Variants in SNX27 observed in about 807,000 individuals in gnomAD.
The protein encoded by SNX27 is sorting nexin-27.
A neutral mutation model predicts 71.6 loss-of-function variants in SNX27; 22 were observed. The ratio of observed to expected loss-of-function variants is 0.31; its 90% CI spans 0.22 to 0.44. SNX27 has a LOEUF of 0.44. Ranked by LOEUF, SNX27 falls within the 20% of genes least tolerant of loss-of-function variation. SNX27 has a pLI of 1.00. For synonymous variants in SNX27, 269 were observed against 277.2 expected, an observed-to-expected ratio of 0.97 and a Z score of 0.29; for missense variants, 531 against 698.6, an observed-to-expected ratio of 0.76 and a Z score of 2.70.
Position 151,695,312 on chromosome 1 carries a change from C to T in SNX27, c.*895C>T, listed in dbSNP as rs931870948. 1 of 150,952 alleles carries T rather than the reference C, an allele frequency of 6.6e-6. No homozygotes were observed. Among genetic ancestry groups the T allele is most frequent in the African/African-American group, 2.4e-5 (1 of 40,988 alleles). 9.4% of individuals were successfully genotyped at this position (150,952 alleles called of 1,614,324 possible). A position where few individuals can be genotyped will look rare whatever the true frequency, so the allele number is the denominator to read the frequency against. ...CCTCCTTCCTGCTTTCCTAGAGCCT[C>T]GGTATGCTTTCCCTCAACCGACCCT... On this transcript the variant is annotated 3_prime_UTR_variant, in exon 12 of 12. Coordinates refer to ENST00000458013, the MANE Select transcript of SNX27 (RefSeq NM_001330723.2).
At chr1:151,631,715 C>T (rs1473067739) in intron 1 of SNX27, among the ~76,000 whole-genome samples, 2 of 152,128 alleles carry the variant, frequency 1.3e-5, no homozygotes, top group Admixed American at 6.6e-5. Flanking sequence ...GAGACAGGGT[C>T]TCCTCTGTCA....
intron 2 of SNX27, among the ~76,000 whole-genome samples, chr1:151,648,550 G>T (rs999728403): frequency 1.3e-4 from 20 of 152,094 alleles, no homozygotes; most frequent in Admixed American, 6.6e-5. Flanking sequence ...CTCCCGAGCA[G>T]CTGGGATTAC....
rs1334876785 is a variant in SNX27, at chr1:151,696,514, G to GTTCTTTCT, written c.*2104_*2105insTTTCTTTC. The GTTCTTTCT allele has an allele frequency of 1.1e-4, 13 of 118,756 alleles. No individual in the cohort carries two copies. Among genetic ancestry groups the GTTCTTTCT allele is most frequent in the African/African-American group, 3.9e-4 (12 of 31,116 alleles). 7.4% of individuals were successfully genotyped at this position (118,756 alleles called of 1,614,324 possible). A position where few individuals can be genotyped will look rare whatever the true frequency, so the allele number is the denominator to read the frequency against. On this transcript the variant is annotated 3_prime_UTR_variant, in exon 12 of 12. Coordinates refer to ENST00000458013, the MANE Select transcript of SNX27 (RefSeq NM_001330723.2). ...CTTTCTTTCTTTCTTTCGTTCTTTC[G>GTTCTTTCT]TTCTTTCGTTCTTTCTTTCTTTCTT...
intron 2 of SNX27, among the ~76,000 whole-genome samples, chr1:151,653,059 C>T (rs1353772076): frequency 6.6e-6 from 1 of 151,702 alleles, no homozygotes; most frequent in African/African-American, 2.4e-5. Flanking sequence ...TCCTGAGTAG[C>T]TCGAATTACA....
intron 2 of SNX27, among the ~76,000 whole-genome samples, chr1:151,645,447 A>G (rs1278391759): frequency 6.6e-6 from 1 of 152,100 alleles, no homozygotes. Flanking sequence ...TCCTCTGAGG[A>G]GTATCGATGT....
At chr1:151,667,687 C>T (rs1343148725) in intron 6 of SNX27, among the ~76,000 whole-genome samples, 3 of 151,588 alleles carry the variant, frequency 2.0e-5, no homozygotes, top group African/African-American at 4.8e-5. Context: ...ATTAGCCGGG[C>T]GTAGTGGCGG....
At chr1:151,638,248 A>G (rs1224507967) in intron 1 of SNX27, among the ~76,000 whole-genome samples, 2 of 152,242 alleles carry the variant, frequency 1.3e-5, no homozygotes, top group Non-Finnish European at 2.9e-5. Context: ...ATGGAATCCC[A>G]AGAGGTTAAT....
At chr1:151,624,674 C>T (rs1667841365) in intron 1 of SNX27, among the ~76,000 whole-genome samples, 1 of 151,838 alleles carries the variant, frequency 6.6e-6, no homozygotes, top group African/African-American at 2.4e-5. Flanking sequence ...TCAGGTGATA[C>T]ACCTACCTCG....
chr1:151,657,898 G>T (rs1669772299), intron 2 of SNX27, among the ~76,000 whole-genome samples: 1 of 152,044 alleles, frequency 6.6e-6, no homozygotes, highest in Non-Finnish European at 1.5e-5. Context: ...CTATTCAGGA[G>T]GCTGAGGCAG....
At chr1:151,629,719 A>G (rs921897942) in intron 1 of SNX27, among the ~76,000 whole-genome samples, 1 of 150,526 alleles carries the variant, frequency 6.6e-6, no homozygotes, top group Non-Finnish European at 1.5e-5. Flanking sequence ...GAGGGTCTAC[A>G]TGTGCGTGCC....
chr1:151,632,373 G>A (rs1211871881), intron 1 of SNX27, among the ~76,000 whole-genome samples: 1 of 152,062 alleles, frequency 6.6e-6, no homozygotes, highest in Non-Finnish European at 1.5e-5. Flanking sequence ...GGCCAGGCTG[G>A]TCTTGAACTC....
chr1:151,653,732 G>A (rs1482517197), intron 2 of SNX27, among the ~76,000 whole-genome samples: 1 of 151,934 alleles, frequency 6.6e-6, no homozygotes, highest in Non-Finnish European at 1.5e-5. Context: ...TTTTGTTCAG[G>A]CTGGTCTCAA....
At chr1:151,676,511 G>C (rs1009002026) in intron 7 of SNX27, 1 of 151,350 alleles carries the variant, frequency 6.6e-6, no homozygotes, top group Non-Finnish European at 1.5e-5. Flanking sequence ...TTGCCATATC[G>C]GCCAGGCTCA....
intron 1 of SNX27, among the ~76,000 whole-genome samples, chr1:151,627,553 T>G (rs1365464729): frequency 1.3e-5 from 2 of 152,198 alleles, no homozygotes; most frequent in African/African-American, 4.8e-5. Context: ...TTTTAAAATA[T>G]TTGCATATAT....
intron 1 of SNX27, among the ~76,000 whole-genome samples, chr1:151,635,261 CACA>C (rs1056096732): frequency 2.0e-5 from 3 of 152,082 alleles, no homozygotes; most frequent in East Asian, 1.9e-4. Context: ...TTTTAATTTT[CACA>C]ACAACTCCAT....
At chr1:151,622,689 T>C (rs567609203) in intron 1 of SNX27, among the ~76,000 whole-genome samples, 1 of 152,350 alleles carries the variant, frequency 6.6e-6, no homozygotes, top group South Asian at 2.1e-4. Context: ...TTAGGACTAG[T>C]TGTGTTTTGG....
rs924535627 is a variant in SNX27, at chr1:151,615,381, G to C, written c.311+2869G>C. ...TCTTTTTTTTTTTCTTCCTTTCTTC[G>C]ATAGTCTGCGCCTTCTCTTTAGGGT... On this transcript the variant is annotated intron_variant, in intron 1 of 11. Transcript: ENST00000458013. Among the ~76,000 whole-genome samples, 3 of 150,332 alleles carry C rather than the reference G, an allele frequency of 2.0e-5. No individual in the cohort carries two copies. In the Admixed American group the frequency reaches 2.0e-4, roughly 10 times the overall value.
Position 151,612,206 on chromosome 1 carries a change from C to T in SNX27, c.5C>T (p.Ala2Val). M[A>V]DEDGEGIHPS... Reference sequence around the variant, plus strand: ...TACGGCTCGCCTGCTCGCAAGATGGCGGACGAGGACGGGGAAGGGATTCAT... The same window carrying T: ...TACGGCTCGCCTGCTCGCAAGATGGTGGACGAGGACGGGGAAGGGATTCAT... The change falls in exon 1 of 12, where the codon GCG becomes GTG. Residue 2 changes from alanine (A) to valine (V), a missense_variant. This residue lies in a region of SNX27 where 130 missense variants were observed against 143.5 expected (regional missense o/e 0.91). Transcript: ENST00000458013. This position sits in a 1 kb window ranked among gnomAD's most constrained non-coding sequence, Gnocchi z 5.2. 2 of 1,345,654 alleles carry T rather than the reference C, an allele frequency of 1.5e-6. No individual in the cohort carries two copies. Among genetic ancestry groups the T allele is most frequent in the Non-Finnish European group, 9.6e-7 (1 of 1,046,200 alleles). The allele number at this position is 1,345,654 out of a possible 1,614,324, so 83.4% of individuals were successfully genotyped here. A position where few individuals can be genotyped will look rare whatever the true frequency, so the allele number is the denominator to read the frequency against.
intron 8 of SNX27, among the ~76,000 whole-genome samples, chr1:151,686,271 C>G (rs1473019030): frequency 6.6e-6 from 1 of 152,100 alleles, no homozygotes; most frequent in Non-Finnish European, 1.5e-5. Flanking sequence ...TGTTGAGTAC[C>G]AAGTACGTGC....
Sources: gnomAD v4.1 joint callset for allele counts (sites outside exome capture counted in the v4.1 genomes callset) on GRCh38, gnomAD v4.1.1 for gene constraint, gnomAD v4.1.1 regional missense constraint, Gnocchi (gnomAD v3.1) non-coding constraint, MANE v1.5 for transcripts, NCBI Gene and HGNC (gene_info 2026-07-23, HGNC 2026-07-21) for gene names.